DLGAP2: variants seen among roughly 807,000 people sequenced by gnomAD.
The protein encoded by DLGAP2 is DLG associated protein 2, also known as disks large-associated protein 2.
Under a neutral mutation model 100.3 loss-of-function variants are expected in DLGAP2, and 26 were observed. The ratio of observed to expected loss-of-function variants is 0.26; its 90% confidence interval spans 0.19 to 0.36. The LOEUF is 0.36. Ranked by LOEUF, DLGAP2 falls within the 10% of genes least tolerant of loss-of-function variation. DLGAP2 has a pLI of 1.00. For missense variants in DLGAP2, 1,858 were observed against 1,453.2 expected (o/e 1.28, Z -4.53); for synonymous variants, 886 against 630.1 (o/e 1.41, Z -6.08).
intron 1 of DLGAP2, among the ~76,000 whole-genome samples, chr8:762,392 G>C (rs1260685424): frequency 6.6e-6 from 1 of 152,316 alleles, no homozygotes; most frequent in Non-Finnish European, 1.5e-5. Context: ...TAACATGATG[G>C]ATGAGAACTT....
intron 3 of DLGAP2, among the ~76,000 whole-genome samples, chr8:1,266,897 A>G (rs1799461973): frequency 6.6e-6 from 1 of 152,074 alleles, no homozygotes; most frequent in Non-Finnish European, 1.5e-5. Context: ...CCAGCAGAAG[A>G]TGCACACTCA....
intron 3 of DLGAP2, among the ~76,000 whole-genome samples, chr8:1,469,592 C>T (rs939683765): frequency 2.0e-5 from 3 of 152,170 alleles, no homozygotes; most frequent in Non-Finnish European, 4.4e-5. Flanking sequence ...CCCACGTATT[C>T]GTATTTTCAC....
At chr8:1,188,849 GTCA>G (rs1385404583) in intron 2 of DLGAP2, among the ~76,000 whole-genome samples, 3 of 152,182 alleles carry the variant, frequency 2.0e-5, no homozygotes, top group African/African-American at 7.2e-5. Context: ...ACAATGACTT[GTCA>G]CTCCAAAAAG....
intron 2 of DLGAP2, among the ~76,000 whole-genome samples, chr8:1,158,405 A>T (rs1215348154): frequency 6.6e-6 from 1 of 152,144 alleles, no homozygotes; most frequent in African/African-American, 2.4e-5. Context: ...TGTTTTATTG[A>T]CTTATATTTG....
At chr8:1,577,565 CTCAA>C (rs1355274597) in intron 6 of DLGAP2, among the ~76,000 whole-genome samples, 1 of 68,724 alleles carries the variant, frequency 1.5e-5, no homozygotes, top group Non-Finnish European at 2.5e-5. Flanking sequence ...TACACTCTCT[CTCAA>C]AAAAAAAAAA....
intron 2 of DLGAP2, among the ~76,000 whole-genome samples, chr8:1,079,083 C>A (rs925722917): frequency 2.0e-5 from 3 of 152,154 alleles, no homozygotes; most frequent in African/African-American, 7.2e-5. Context: ...CAGGGTCTAG[C>A]TTGTGGTCAT....
chr8:916,118 C>G (rs1563093756), intron 2 of DLGAP2, among the ~76,000 whole-genome samples: 1 of 152,228 alleles, frequency 6.6e-6, no homozygotes, highest in African/African-American at 2.4e-5. Context: ...TCTGTGTTAA[C>G]CATGAGTCCT....
intron 2 of DLGAP2, among the ~76,000 whole-genome samples, chr8:1,102,418 G>C (rs1374808934): frequency 6.6e-6 from 1 of 150,564 alleles, no homozygotes; most frequent in Non-Finnish European, 1.5e-5. Flanking sequence ...GCTGTCTCGA[G>C]TCACTCAGTG....
intron 3 of DLGAP2, among the ~76,000 whole-genome samples, chr8:1,472,617 C>A (rs1798833287): frequency 6.6e-6 from 1 of 152,092 alleles, no homozygotes; most frequent in Non-Finnish European, 1.5e-5. Flanking sequence ...TGTAAACAAT[C>A]CTCAAGATAT....
intron 3 of DLGAP2, among the ~76,000 whole-genome samples, chr8:1,438,297 G>C (rs1412821406): frequency 6.6e-6 from 1 of 152,202 alleles, no homozygotes; most frequent in Non-Finnish European, 1.5e-5. Flanking sequence ...ATGAGGAAGG[G>C]TAAGGGGTCT....
chr8:1,691,726 C>A (rs189277461), intron 13 of DLGAP2, 100 bp downstream of exon 13: 102 of 1,044,856 alleles, frequency 9.8e-5, no homozygotes, highest in Non-Finnish European at 1.4e-4. Flanking sequence ...GAGTTCCCAT[C>A]GGTATGCGGA....
chr8:1,430,039 CAT>C (rs1563142192), intron 3 of DLGAP2, among the ~76,000 whole-genome samples: 5 of 33,402 alleles, frequency 1.5e-4, no homozygotes, highest in Non-Finnish European at 2.4e-4. Context: ...CACACACACA[CAT>C]ATGAACTTAG....
Position 1,701,180 on chromosome 8 carries a change from CT to C in DLGAP2, c.2950-4del. ...CACCTGCCAACGGTGACTTGCGCTG[CT>C]TTTCAGGAAGAAAGAAAGGTCCCGC... On this transcript the variant is annotated splice_region_variant and splice_polypyrimidine_tract_variant and intron_variant, in intron 14 of 14. Transcript: ENST00000637795. 1 of 1,553,974 alleles carries C rather than the reference CT, an allele frequency of 6.4e-7. No individual in the cohort carries two copies. Among genetic ancestry groups the C allele is most frequent in the Non-Finnish European group, 8.7e-7 (1 of 1,149,734 alleles).
At chr8:1,458,410 G>T (rs1283875677) in intron 3 of DLGAP2, among the ~76,000 whole-genome samples, 1 of 151,986 alleles carries the variant, frequency 6.6e-6, no homozygotes, top group Non-Finnish European at 1.5e-5. Context: ...TATCATACCT[G>T]GCCTTTTATT....
chr8:1,624,653 A>G (rs1797443973), intron 6 of DLGAP2, among the ~76,000 whole-genome samples: 1 of 151,814 alleles, frequency 6.6e-6, no homozygotes, highest in South Asian at 2.1e-4. Flanking sequence ...CTGGCAGTCG[A>G]CCTGGGGGAT....
intron 2 of DLGAP2, among the ~76,000 whole-genome samples, chr8:1,172,000 A>T (rs1035308706): frequency 1.3e-5 from 2 of 152,092 alleles, no homozygotes; most frequent in African/African-American, 2.4e-5. Context: ...ACATTTTGGC[A>T]TGATTTTGCA....
chr8:1,343,436 C>G (rs565299851), intron 3 of DLGAP2, among the ~76,000 whole-genome samples: 2 of 152,168 alleles, frequency 1.3e-5, no homozygotes, highest in African/African-American at 4.8e-5. Flanking sequence ...GCTTGGGGTG[C>G]CCAAGTGACT....
chr8:1,115,387 A>G lies in DLGAP2; in HGVS notation c.74-143464A>G, dbSNP rs567652561. On this transcript the variant is annotated intron_variant, in intron 2 of 14. Transcript: ENST00000637795. Reference sequence around the variant, plus strand: ...GGGTGCTCCTGTGTTGGATGCATATATATTTAGAATAGTTAGGCCTTCTTG... The same window carrying G: ...GGGTGCTCCTGTGTTGGATGCATATGTATTTAGAATAGTTAGGCCTTCTTG... Among the ~76,000 whole-genome samples, 8 of 152,336 alleles carry G rather than the reference A, an allele frequency of 5.3e-5. No individual in the cohort carries two copies. The East Asian group carries it at 1.5e-3, about 29-fold the overall frequency.
intron 1 of DLGAP2, among the ~76,000 whole-genome samples, chr8:901,984 T>C (rs1798260931): frequency 6.6e-6 from 1 of 152,154 alleles, no homozygotes. Context: ...CAACCCCCAC[T>C]GGACCCCACC....
Sources: gnomAD v4.1 joint callset for allele counts (sites outside exome capture counted in the v4.1 genomes callset) on GRCh38, gnomAD v4.1.1 for gene constraint, MANE v1.5 for transcripts, NCBI Gene and HGNC (gene_info 2026-07-23, HGNC 2026-07-21) for gene names.